The following KDM2A variants were observed in gnomAD, a reference collection of about 807,000 sequenced individuals.
KDM2A encodes lysine-specific demethylase 2A.
In KDM2A, 3 loss-of-function variants were observed where a neutral mutation model predicts 137.3. That is an observed-to-expected ratio of 0.02 (90% CI 0.01 to 0.06). KDM2A has a LOEUF of 0.06. KDM2A is among the 10% of genes least tolerant of loss of function. The pLI, the probability that KDM2A is intolerant of heterozygous loss-of-function variation, is 1.00. For missense variants in KDM2A, 738 were observed against 1,510.6 expected, an observed-to-expected ratio of 0.49 and a Z score of 8.48; for synonymous variants, 512 against 541.5, an observed-to-expected ratio of 0.95 and a Z score of 0.76.
chr11:67,248,277 A>C lies in KDM2A; in HGVS notation c.1966-4A>C. 1 of 1,598,924 alleles carries C rather than the reference A, an allele frequency of 6.3e-7. No homozygotes were observed. On this transcript the variant is annotated splice_region_variant and splice_polypyrimidine_tract_variant and intron_variant, in intron 15 of 20. Coordinates refer to ENST00000529006, the MANE Select transcript of KDM2A (RefSeq NM_012308.3). The stretch of plus-strand genomic sequence containing the variant: ...CTTTTAAAAACATCTCTGTCTTCCT[A>C]TAGATGGACGGAGAGGGGTTGCTTA...
chr11:67,123,434 T>C (rs971963540), intron 2 of KDM2A, among the ~76,000 whole-genome samples: 1 of 152,110 alleles, frequency 6.6e-6, no homozygotes, highest in Non-Finnish European at 1.5e-5. Context: ...ATCTCTAACT[T>C]TGTAGAAATT....
At chr11:67,127,018 A>G (rs76500565) in intron 2 of KDM2A, among the ~76,000 whole-genome samples, 5,963 of 152,214 alleles carry the variant, frequency 0.039, 209 homozygotes, top group African/African-American at 0.092. Flanking sequence ...TATACCTGAG[A>G]AGGTACTCAA....
chr11:67,207,409 GAA>G, intron 5 of KDM2A, 99 bp from the exon 6 acceptor site: 1 of 867,726 alleles, frequency 1.2e-6, no homozygotes, highest in South Asian at 2.9e-5. Context: ...TTGAAAATAA[GAA>G]AGGACAGTAT....
chr11:67,216,457 T>A (rs183481784), intron 8 of KDM2A, among the ~76,000 whole-genome samples: 68 of 152,354 alleles, frequency 4.5e-4, no homozygotes, highest in Admixed American at 3.9e-3. Context: ...TCAGTTATAT[T>A]CCAGCTTGTG....
chr11:67,217,963 AT>A, intron 9 of KDM2A, 79 bp downstream of exon 9: 2 of 1,236,358 alleles, frequency 1.6e-6, no homozygotes, highest in Non-Finnish European at 2.2e-6. Context: ...ACCACCAAGA[AT>A]AGTTATGATG....
chr11:67,154,515 C>G (rs1262485859), intron 2 of KDM2A, among the ~76,000 whole-genome samples: 2 of 152,298 alleles, frequency 1.3e-5, no homozygotes, highest in East Asian at 3.9e-4. Flanking sequence ...TCACTGCAGC[C>G]TCTGCCTCCT....
chr11:67,124,959 G>A (rs1440118590), intron 2 of KDM2A, among the ~76,000 whole-genome samples: 1 of 150,034 alleles, frequency 6.7e-6, no homozygotes, highest in African/African-American at 2.5e-5. Context: ...CCGGGTTCAC[G>A]CCATTCTCCT....
chr11:67,249,159 G>T (rs1279951425), intron 16 of KDM2A, among the ~76,000 whole-genome samples: 3 of 152,210 alleles, frequency 2.0e-5, no homozygotes, highest in Non-Finnish European at 2.9e-5. Flanking sequence ...TGAGGGCAAG[G>T]ATTTTTGAAG....
chr11:67,221,213 A>T (rs1472409436), intron 10 of KDM2A, among the ~76,000 whole-genome samples: 1 of 152,172 alleles, frequency 6.6e-6, no homozygotes, highest in East Asian at 1.9e-4. Context: ...TTAAACAGCA[A>T]TTAGAATATT....
rs1328741697 is a variant in KDM2A, at chr11:67,163,769, T to C, written c.43-16310T>C. Among the ~76,000 whole-genome samples the C allele has an allele frequency of 2.0e-5, 3 of 151,246 alleles. No individual in the cohort carries two copies. In the Admixed American group the frequency reaches 2.0e-4, roughly 10 times the overall value. The stretch of plus-strand genomic sequence containing the variant: ...TACTCGGGAGGTTGCAGCAGGAGAA[T>C]CGCTTGAACCTGAGAGTCGGAGGTT... On this transcript the variant is annotated intron_variant, in intron 2 of 20. Coordinates refer to ENST00000529006, the MANE Select transcript of KDM2A (RefSeq NM_012308.3).
intron 10 of KDM2A, among the ~76,000 whole-genome samples, chr11:67,220,721 G>A (rs369735454): frequency 1.3e-5 from 2 of 152,230 alleles, no homozygotes; most frequent in South Asian, 2.1e-4. Context: ...TTTAGGCTTC[G>A]TGGGTCATAA....
At chr11:67,187,068 A>G (rs771559679) in intron 5 of KDM2A, among the ~76,000 whole-genome samples, 1 of 152,244 alleles carries the variant, frequency 6.6e-6, no homozygotes, top group Non-Finnish European at 1.5e-5. Context: ...AGTGAAGTCA[A>G]ACTGGTATTA....
At chr11:67,212,745 A>G (rs534921308) in intron 6 of KDM2A, among the ~76,000 whole-genome samples, 1 of 152,200 alleles carries the variant, frequency 6.6e-6, no homozygotes, top group African/African-American at 2.4e-5. Context: ...TTCTTGCTGC[A>G]ATTAAGAAAT....
At chr11:67,183,162 C>T (rs1590756416) in intron 5 of KDM2A, among the ~76,000 whole-genome samples, 1 of 152,324 alleles carries the variant, frequency 6.6e-6, no homozygotes, top group South Asian at 2.1e-4. Context: ...TTCCTTAGTA[C>T]CTAGCACAGT....
chr11:67,245,891 A>T lies in KDM2A; in HGVS notation c.1834-94A>T. ...GCTTCCAGGTGTTTAGTAGAGAATT[A>T]TAGGACCCAAATCTCCCATCTTCAG... On this transcript the variant is annotated intron_variant, in intron 14 of 20. Coordinates refer to ENST00000529006, the MANE Select transcript of KDM2A (RefSeq NM_012308.3). The surrounding 1 kb of genome is among the most constrained non-coding windows in gnomAD (Gnocchi z 4.1). 2 of 1,452,698 alleles carry T rather than the reference A, an allele frequency of 1.4e-6. No homozygotes were observed. The highest frequency in any genetic ancestry group is 1.9e-6 in the Non-Finnish European group (2 of 1,057,490). 90.0% of individuals were successfully genotyped at this position (1,452,698 alleles called of 1,614,324 possible). A position where few individuals can be genotyped will look rare whatever the true frequency, so the allele number is the denominator to read the frequency against.
At chr11:67,184,097 C>CAA (rs34270166) in intron 5 of KDM2A, among the ~76,000 whole-genome samples, 340 of 66,192 alleles carry the variant, frequency 5.1e-3, no homozygotes, top group Non-Finnish European at 7.8e-3. Flanking sequence ...GACCCTGTCT[C>CAA]AAAAAAAAAA....
chr11:67,157,625 A>C (rs1856547875), intron 2 of KDM2A, among the ~76,000 whole-genome samples: 1 of 150,826 alleles, frequency 6.6e-6, no homozygotes, highest in Non-Finnish European at 1.5e-5. Flanking sequence ...CGCGCCTGAA[A>C]TCCCAGCTAC....
intron 16 of KDM2A, among the ~76,000 whole-genome samples, chr11:67,249,077 A>G (rs79016315): frequency 0.088 from 13,374 of 152,260 alleles, 1,986 homozygotes; most frequent in African/African-American, 0.3. Context: ...GGGGGCAGAA[A>G]GGAATTTTCT....
At chr11:67,198,783 G>A (rs1224659767) in intron 5 of KDM2A, among the ~76,000 whole-genome samples, 3 of 130,982 alleles carry the variant, frequency 2.3e-5, no homozygotes, top group African/African-American at 1.2e-4. Flanking sequence ...GTTTTGTTTT[G>A]TTTTGTTTTG....
Sources: gnomAD v4.1 joint callset for allele counts (sites outside exome capture counted in the v4.1 genomes callset) on GRCh38, gnomAD v4.1.1 for gene constraint, Gnocchi (gnomAD v3.1) non-coding constraint, MANE v1.5 for transcripts, NCBI Gene and HGNC (gene_info 2026-07-23, HGNC 2026-07-21) for gene names.